Variants in PRKCH observed in about 807,000 individuals in gnomAD.
PRKCH encodes protein kinase C eta.
A neutral mutation model predicts 82.5 loss-of-function variants in PRKCH; 28 were observed. The observed-to-expected ratio is 0.34, with a 90% confidence interval of 0.25 to 0.47. The LOEUF (loss-of-function observed/expected upper bound fraction) is 0.47. PRKCH is among the 20% of genes least tolerant of loss of function. The pLI is 1.00. For missense variants in PRKCH, 705 were observed against 881.8 expected (o/e 0.80, Z 2.54); for synonymous variants, 322 against 327.4 (o/e 0.98, Z 0.18).
chr14:61,387,119 A>G (rs1383216918), intron 1 of PRKCH, among the ~76,000 whole-genome samples: 1 of 152,236 alleles, frequency 6.6e-6, no homozygotes, highest in African/African-American at 2.4e-5. Flanking sequence ...GAAGTTTAGC[A>G]GAAGCGAGAT....
chr14:61,435,434 A>T (rs1883629801), intron 2 of PRKCH, among the ~76,000 whole-genome samples: 1 of 152,194 alleles, frequency 6.6e-6, no homozygotes, highest in East Asian at 1.9e-4. Flanking sequence ...GGAGAAAGAG[A>T]GGGTGGAGGA....
Position 61,485,506 on chromosome 14 carries a change from G to A in PRKCH, c.1283G>A (p.Arg428His), listed in dbSNP as rs1886178517. 14 of 1,613,648 alleles carry A rather than the reference G, an allele frequency of 8.7e-6. No homozygotes were observed. The East Asian group carries it at 1.1e-4, about 13-fold the overall frequency. Residue 428 changes from arginine (R) to histidine (H), a missense_variant, in exon 10 of 14, where the codon CGT becomes CAT. This residue lies in a region of PRKCH where 238 missense variants were observed against 258.1 expected (regional missense o/e 0.92). Transcript: ENST00000332981. ...CTCTCTTGTGTTTGTATCCAGGATC[G>A]TCTGTTTTTTGTGATGGAGTTTGTG... is the stretch of plus-strand genomic sequence containing the variant. Reference protein sequence around the residue: ...QLFCCFQTPDRLFFVMEFVNG... With the variant: ...QLFCCFQTPDHLFFVMEFVNG...
At chr14:61,503,998 A>C (rs940085057) in intron 10 of PRKCH, among the ~76,000 whole-genome samples, 8 of 152,170 alleles carry the variant, frequency 5.3e-5, no homozygotes, top group African/African-American at 1.9e-4. Flanking sequence ...CAAGATAAGA[A>C]GGGTTCAATT....
At chr14:61,268,616 C>T (rs944201350) in intron 1 of PRKCH, among the ~76,000 whole-genome samples, 2 of 152,016 alleles carry the variant, frequency 1.3e-5, no homozygotes, top group Non-Finnish European at 2.9e-5. Context: ...TACAGAGAGC[C>T]GAGATCGTAC....
At chr14:61,371,538 A>G (rs977550984) in intron 1 of PRKCH, among the ~76,000 whole-genome samples, 2 of 152,004 alleles carry the variant, frequency 1.3e-5, no homozygotes, top group Non-Finnish European at 2.9e-5. Flanking sequence ...GGGTTTGTCT[A>G]ATGTTTTTCC....
At chr14:61,548,419 A>G (rs2043286598) in intron 13 of PRKCH, among the ~76,000 whole-genome samples, 2 of 152,206 alleles carry the variant, frequency 1.3e-5, no homozygotes, top group African/African-American at 4.8e-5. Context: ...TGGGATCTCC[A>G]GGGGCTCCTC....
chr14:61,233,245 G>T lies in PRKCH; in HGVS notation c.-19+45577G>T, dbSNP rs114190911. Among the ~76,000 whole-genome samples the T allele has an allele frequency of 5.1e-3, 778 of 152,136 alleles. 11 individuals carry two copies. Among genetic ancestry groups the T allele is most frequent in the African/African-American group, 0.018 (731 of 41,508 alleles). On this transcript the variant is annotated intron_variant, in intron 1 of 3. Coordinates refer to the PRKCH transcript ENST00000555185. Reference sequence around the variant, plus strand: ...GTCTCTACAAATAATTTTAAAATTAGCTAAGCATAGTGGTGCACACCTGTA... The same window carrying T: ...GTCTCTACAAATAATTTTAAAATTATCTAAGCATAGTGGTGCACACCTGTA...
chr14:61,341,968 AT>A (rs1205889621), intron 1 of PRKCH, among the ~76,000 whole-genome samples: 1 of 152,032 alleles, frequency 6.6e-6, no homozygotes, highest in Non-Finnish European at 1.5e-5. Flanking sequence ...TGTTGGTTGA[AT>A]TGGATGCCTT....
intron 1 of PRKCH, among the ~76,000 whole-genome samples, chr14:61,283,198 A>G (rs966927037): frequency 6.6e-6 from 1 of 152,058 alleles, no homozygotes; most frequent in South Asian, 2.1e-4. Context: ...TCTTTTTTCT[A>G]GTAGATCACC....
intron 2 of PRKCH, among the ~76,000 whole-genome samples, chr14:61,396,249 T>TA (rs546158856): frequency 2.6e-5 from 4 of 152,002 alleles, no homozygotes; most frequent in East Asian, 3.9e-4. Flanking sequence ...AGCACTCCTT[T>TA]AAAAAAAATT....
intron 1 of PRKCH, among the ~76,000 whole-genome samples, chr14:61,328,414 T>G (rs2045731905): frequency 6.6e-6 from 1 of 152,242 alleles, no homozygotes; most frequent in Non-Finnish European, 1.5e-5. Context: ...TATAACGTTT[T>G]TCACTTATAA....
intron 12 of PRKCH, among the ~76,000 whole-genome samples, chr14:61,537,015 C>G (rs2043119262): frequency 6.6e-6 from 1 of 152,188 alleles, no homozygotes; most frequent in Non-Finnish European, 1.5e-5. Context: ...GTAGCTTGAG[C>G]ACACTTAGTT....
chr14:61,266,216 G>T (rs113166700), intron 1 of PRKCH, among the ~76,000 whole-genome samples: 1 of 151,884 alleles, frequency 6.6e-6, no homozygotes, highest in African/African-American at 2.4e-5. Flanking sequence ...TCAGGGGTTC[G>T]ACACTAGCCT....
chr14:61,381,662 C>T (rs1209233100), intron 1 of PRKCH, among the ~76,000 whole-genome samples: 3 of 152,256 alleles, frequency 2.0e-5, no homozygotes, highest in Non-Finnish European at 2.9e-5. Context: ...TAGCAGCTCC[C>T]GCCTCGGGCC....
chr14:61,472,195 G>T (rs1453781663), intron 9 of PRKCH, among the ~76,000 whole-genome samples: 1 of 152,224 alleles, frequency 6.6e-6, no homozygotes, highest in African/African-American at 2.4e-5. Context: ...TATTATCAGA[G>T]CCTGGGGGCA....
intron 1 of PRKCH, among the ~76,000 whole-genome samples, chr14:61,362,635 C>T (rs959255342): frequency 6.6e-6 from 1 of 152,160 alleles, no homozygotes; most frequent in African/African-American, 2.4e-5. Flanking sequence ...ATGTTCCTCT[C>T]TAGGATACTA....
chr14:61,431,654 C>T (rs1025591169), intron 2 of PRKCH, among the ~76,000 whole-genome samples: 1 of 152,258 alleles, frequency 6.6e-6, no homozygotes, highest in Non-Finnish European at 1.5e-5. Context: ...TAGGACACCA[C>T]TCAGCTCTGC....
chr14:61,246,660 G>A (rs1011582406), intron 1 of PRKCH, among the ~76,000 whole-genome samples: 20 of 152,040 alleles, frequency 1.3e-4, no homozygotes, highest in African/African-American at 4.3e-4. Flanking sequence ...TGGACTCCCA[G>A]GTACCTCTGC....
chr14:61,510,056 G>A (rs918566776), intron 10 of PRKCH, among the ~76,000 whole-genome samples: 2 of 152,112 alleles, frequency 1.3e-5, no homozygotes, highest in South Asian at 2.1e-4. Context: ...TAGACATAGC[G>A]ACAGGGACAG....
Sources: allele counts gnomAD v4.1 joint callset (sites outside exome capture counted in the v4.1 genomes callset), GRCh38; gene constraint gnomAD v4.1.1; regional missense constraint gnomAD v4.1.1; transcripts MANE v1.5; gene names NCBI Gene and HGNC (gene_info 2026-07-23, HGNC 2026-07-21).